Variants in STYXL1 observed in about 807,000 individuals in gnomAD.
The protein encoded by STYXL1 is serine/threonine/tyrosine interacting like 1.
Under a neutral mutation model 36.4 loss-of-function variants are expected in STYXL1, and 32 were observed. That is an observed-to-expected ratio of 0.88 (90% CI 0.66 to 1.18). The LOEUF (loss-of-function observed/expected upper bound fraction) is 1.18. STYXL1 is among the 50% of genes most tolerant of loss of function. The probability of loss-of-function intolerance (pLI) is 0.00; values close to 1 mark genes in which losing one functional copy is unlikely to be tolerated. For missense variants in STYXL1, 354 were observed against 394.1 expected, an observed-to-expected ratio of 0.90 and a Z score of 0.86; for synonymous variants, 133 against 144.1, an observed-to-expected ratio of 0.92 and a Z score of 0.55.
chr7:76,020,109 A>G (rs927905186), intron 4 of STYXL1, among the ~76,000 whole-genome samples: 1 of 152,096 alleles, frequency 6.6e-6, no homozygotes, highest in Non-Finnish European at 1.5e-5. Context: ...AAGTAAGGTC[A>G]GTTATAGAAT....
chr7:75,999,944 C>T (rs576092533), intron 8 of STYXL1, among the ~76,000 whole-genome samples: 4 of 151,980 alleles, frequency 2.6e-5, no homozygotes, highest in African/African-American at 9.7e-5. Flanking sequence ...TCAGAACAGG[C>T]CCTGGAGGAA....
chr7:76,003,817 A>G lies in STYXL1; in HGVS notation c.638T>C (p.Ile213Thr). The G allele has an allele frequency of 6.2e-7, 1 of 1,614,196 alleles. No homozygotes were observed. The highest frequency in any genetic ancestry group is 1.1e-5 in the South Asian group (1 of 91,088). ...GDADKLLHIR[I>T]EDSPEAQILP... is the part of the protein sequence containing the mutation. Reference sequence around the variant, plus strand: ...AATCTGGGCTTCCGGGGAATCTTCTATCCGGATGTGCAGAAGCTTGTCAGC... The same window carrying G: ...AATCTGGGCTTCCGGGGAATCTTCTGTCCGGATGTGCAGAAGCTTGTCAGC... The change falls in exon 7 of 9, where the codon ATA becomes ACA. Residue 213 changes from isoleucine (I) to threonine (T), a missense_variant. Coordinates refer to ENST00000359697, the MANE Select transcript of STYXL1 (RefSeq NM_001317785.2).
chr7:76,027,078 A>AG (rs1336869539), intron 3 of STYXL1, among the ~76,000 whole-genome samples: 2 of 151,760 alleles, frequency 1.3e-5, no homozygotes, highest in Non-Finnish European at 2.9e-5. Context: ...AAAAAAAAAA[A>AG]GAATAAAGAA....
At chr7:76,030,814 C>T (rs753004118) in intron 1 of STYXL1, among the ~76,000 whole-genome samples, 4 of 132,350 alleles carry the variant, frequency 3.0e-5, no homozygotes, top group Non-Finnish European at 6.3e-5. Flanking sequence ...GAGTTCAAGA[C>T]CAGCCCGGCC....
intron 5 of STYXL1, among the ~76,000 whole-genome samples, chr7:76,008,582 C>T (rs922103469): frequency 3.3e-5 from 5 of 152,180 alleles, no homozygotes; most frequent in Non-Finnish European, 7.3e-5. Flanking sequence ...GCCTGTGACA[C>T]GGAGATGCAT....
At chr7:76,019,956 G>C (rs1307835523) in intron 4 of STYXL1, among the ~76,000 whole-genome samples, 3 of 151,840 alleles carry the variant, frequency 2.0e-5, no homozygotes, top group African/African-American at 7.3e-5. Context: ...AGAAAGAAGG[G>C]GGTGTTGAGA....
In STYXL1 at chr7:76,021,979, TATTC is replaced by T. The variant is rs1554576412; in HGVS notation, c.175_178del (p.Glu59IlefsTer12). 12 of 1,602,372 alleles carry T rather than the reference TATTC, an allele frequency of 7.5e-6. No individual in the cohort carries two copies. The highest frequency in any genetic ancestry group is 1.7e-4 in the Middle Eastern group (1 of 6,024). On this transcript the variant is annotated frameshift_variant, in exon 4 of 9. Transcript: ENST00000359697. LOFTEE classifies it high-confidence loss of function. ...CAGGTCCACAGACTCCGGGAGAAGA[TATTC>T]ATTATTTTTCTTAAAAAAAAAAACA...
rs565819853 is a variant in STYXL1, at chr7:76,019,286, T to C, written c.307+2565A>G. Reference sequence around the variant, plus strand: ...ATGAACTCTAACTGTTTTTTTCTTTTTTTTTTTTTTTTAAATACGTTTTTT... The same window carrying C: ...ATGAACTCTAACTGTTTTTTTCTTTCTTTTTTTTTTTTAAATACGTTTTTT... On this transcript the variant is annotated intron_variant, in intron 4 of 8. Coordinates refer to ENST00000359697, the MANE Select transcript of STYXL1 (RefSeq NM_001317785.2). Among the ~76,000 whole-genome samples the C allele has an allele frequency of 9.9e-5, 15 of 151,920 alleles. No homozygotes were observed. The South Asian group carries it at 1.7e-3, about 17-fold the overall frequency.
intron 5 of STYXL1, 113 bp from the exon 6 acceptor site, chr7:76,005,517 T>G: frequency 1.0e-6 from 1 of 999,896 alleles, no homozygotes; most frequent in Non-Finnish European, 1.5e-6. Context: ...TCCAGGACAG[T>G]GAATGTGACG....
At chr7:76,009,658 C>T (rs1161360669) in intron 5 of STYXL1, among the ~76,000 whole-genome samples, 1 of 152,230 alleles carries the variant, frequency 6.6e-6, no homozygotes, top group Non-Finnish European at 1.5e-5. Context: ...ATCCGCCCGC[C>T]TTGGCCTCCC....
Position 76,030,429 on chromosome 7 carries a change from C to A in STYXL1, c.95G>T (p.Cys32Phe). The stretch of plus-strand genomic sequence containing the variant: ...TTTTTCCAAGTACTTACCCAATAAA[C>A]AGAGATAGTTGGGGTCTGTTAATCT... ...LSRLTDPNYL[C>F]LLDVRSKWEY... Residue 32 changes from cysteine (C) to phenylalanine (F), a missense_variant, in exon 2 of 9, where the codon TGT becomes TTT. Cys to Phe is a radical substitution (Grantham distance 205, BLOSUM62 -2). Transcript: ENST00000359697. 6.2e-7 allele frequency: 1 copy of A among 1,609,512 alleles called. No homozygotes were observed. Among genetic ancestry groups the A allele is most frequent in the South Asian group, 1.1e-5 (1 of 91,024 alleles).
chr7:75,997,424 ACT>A (rs1554564459), intron 8 of STYXL1, among the ~76,000 whole-genome samples: 1 of 152,082 alleles, frequency 6.6e-6, no homozygotes, highest in African/African-American at 2.4e-5. Flanking sequence ...ACAGAGCAAG[ACT>A]CTGTCTCAAA....
chr7:76,008,107 G>A (rs970555526), intron 5 of STYXL1, among the ~76,000 whole-genome samples: 1 of 144,662 alleles, frequency 6.9e-6, no homozygotes, highest in African/African-American at 2.6e-5. Context: ...GCTGGGGCAG[G>A]AGAATCACTT....
In STYXL1 at chr7:76,024,130, G is replaced by A. The variant is rs551117198; in HGVS notation, c.166-2138C>T. Among the ~76,000 whole-genome samples, 7 of 152,080 alleles carry A rather than the reference G, an allele frequency of 4.6e-5. No individual in the cohort carries two copies. The South Asian group carries it at 1.2e-3, about 27-fold the overall frequency. On this transcript the variant is annotated intron_variant, in intron 3 of 8. Coordinates refer to ENST00000359697, the MANE Select transcript of STYXL1 (RefSeq NM_001317785.2). ...TGAGCTCAAGCAAACTCCCCACCTC[G>A]GCCTCCCAAAGTGTTGGGATTACAG...
intron 2 of STYXL1, 147 bp downstream of exon 2, chr7:76,030,274 C>G: frequency 1.6e-6 from 1 of 618,302 alleles, no homozygotes; most frequent in Non-Finnish European, 2.9e-6. Context: ...GCTGGGATTA[C>G]AGGCGTGTGC....
At chr7:76,013,597 G>C in intron 5 of STYXL1, 145 bp downstream of exon 5, 1 of 1,180,820 alleles carries the variant, frequency 8.5e-7, no homozygotes, top group Non-Finnish European at 1.2e-6. Context: ...GCTAATTTTT[G>C]TGTTTTTAGT....
At chr7:76,015,442 C>T (rs555258693) in intron 4 of STYXL1, among the ~76,000 whole-genome samples, 1 of 152,322 alleles carries the variant, frequency 6.6e-6, no homozygotes, top group South Asian at 2.1e-4. Flanking sequence ...AGGGAATACC[C>T]TTCTTGACAT....
intron 1 of STYXL1, among the ~76,000 whole-genome samples, chr7:76,043,674 G>T (rs539342066): frequency 2.0e-5 from 3 of 152,130 alleles, no homozygotes; most frequent in Non-Finnish European, 2.9e-5. Context: ...GCCAGATGTC[G>T]AAGGGGCTTT....
chr7:76,044,860 G>A (rs918791513), intron 1 of STYXL1: 1 of 152,024 alleles, frequency 6.6e-6, no homozygotes, highest in African/African-American at 2.4e-5. Context: ...CACGCCCAGA[G>A]AATTTTCGTA....
Sources: allele counts gnomAD v4.1 joint callset (sites outside exome capture counted in the v4.1 genomes callset), GRCh38; gene constraint gnomAD v4.1.1; transcripts MANE v1.5; gene names NCBI Gene and HGNC (gene_info 2026-07-23, HGNC 2026-07-21).